Variants in TSPOAP1 observed in about 807,000 individuals in gnomAD.
The protein encoded by TSPOAP1 is TSPO associated protein 1.
Under a neutral mutation model 197.0 loss-of-function variants are expected in TSPOAP1, and 87 were observed. That is an observed-to-expected ratio of 0.44 (90% confidence interval 0.37 to 0.53). The LOEUF (loss-of-function observed/expected upper bound fraction) is 0.53. TSPOAP1 is among the 20% of genes least tolerant of loss of function. The pLI is 0.00. For synonymous variants in TSPOAP1, 913 were observed against 998.9 expected, an observed-to-expected ratio of 0.91 and a Z score of 1.62; for missense variants, 2,174 against 2,411.3, an observed-to-expected ratio of 0.90 and a Z score of 2.06.
Position 58,306,898 on chromosome 17 carries a change from C to T in TSPOAP1, c.5054G>A (p.Cys1685Tyr), listed in dbSNP as rs1307493237. 3 of 1,613,476 alleles carry T rather than the reference C, an allele frequency of 1.9e-6. No individual in the cohort carries two copies. Among genetic ancestry groups the T allele is most frequent in the African/African-American group, 2.7e-5 (2 of 74,920 alleles). The stretch of plus-strand genomic sequence containing the variant: ...CACAGCCACCTCAGCCACCATGTTG[C>T]AGGGAATGTAGCCTGTCCGGCCCCC... ...EGGGRTGYIP[C>Y]NMVAEVAVDS... Residue 1685 changes from cysteine (C) to tyrosine (Y), a missense_variant, in exon 25 of 32, where the codon TGC becomes TAC. Cys to Tyr is a radical substitution (Grantham distance 194). Transcript: ENST00000343736.
intron 4 of TSPOAP1, 111 bp from the exon 5 acceptor site, chr17:58,325,113 CTG>C (rs1971537981): frequency 3.2e-6 from 3 of 932,128 alleles, no homozygotes; most frequent in Non-Finnish European, 4.7e-6. Flanking sequence ...ATGCGCGAGA[CTG>C]TGCACACCCT....
At position 58,312,208 on chromosome 17, in the gene TSPOAP1, C is replaced by A. The variant is rs374528705; in HGVS notation, c.2613G>T (p.Leu871=). Residue 871 remains leucine, a synonymous_variant, in exon 17 of 32, where the codon CTG becomes CTT. Transcript: ENST00000343736. ...GGGCACCCACCGCCAAGCAACAGCG[C>A]AGTGGGTCAGAGCTGCCCCGGCTAG... ...ALTSRGSSDP[L]RCCLAVGARA... The A allele has an allele frequency of 6.2e-7, 1 of 1,612,794 alleles. No homozygotes were observed. Among genetic ancestry groups the A allele is most frequent in the African/African-American group, 1.3e-5 (1 of 74,946 alleles).
In TSPOAP1 at chr17:58,309,501, C is replaced by G. The variant is rs2144040525; in HGVS notation, c.3892-121G>C. On this transcript the variant is annotated intron_variant, in intron 21 of 31. Transcript: ENST00000343736. This position sits in a 1 kb window ranked among gnomAD's most constrained non-coding sequence, Gnocchi z 5.0. ...GCAGGGGTTACGGACAACCCCACAG[C>G]CCTCCCACGGCTTCCTCCGAGAGGA... 1 of 1,328,116 alleles carries G rather than the reference C, an allele frequency of 7.5e-7. No individual in the cohort carries two copies. The highest frequency in any genetic ancestry group is 1.5e-5 in the South Asian group (1 of 65,440). 82.3% of individuals were successfully genotyped at this position (1,328,116 alleles called of 1,614,324 possible). A position where few individuals can be genotyped will look rare whatever the true frequency, so the allele number is the denominator to read the frequency against.
chr17:58,318,242 G>T (rs764361693), intron 14 of TSPOAP1, 38 bp downstream of exon 14: 1 of 1,609,488 alleles, frequency 6.2e-7, no homozygotes, highest in Non-Finnish European at 8.5e-7. Context: ...CCTTCCCCAA[G>T]CCAAAGCCAG....
intron 24 of TSPOAP1, among the ~76,000 whole-genome samples, chr17:58,307,178 T>C (rs1364797456): frequency 6.6e-6 from 1 of 152,204 alleles, no homozygotes; most frequent in African/African-American, 2.4e-5. Flanking sequence ...ACTGTCTACA[T>C]GGCCATGCCC....
Position 58,327,548 on chromosome 17 carries a change from C to A in TSPOAP1, c.333+40G>T, listed in dbSNP as rs572134355. The A allele has an allele frequency of 1.1e-5, 18 of 1,577,130 alleles. No individual in the cohort carries two copies. The African/African-American group carries it at 2.0e-4, about 18-fold the overall frequency. ...CCAGGCTGGAGGACATGGTGAGAGA[C>A]CCCCACCTTGCAGACCCCAGCCCTC... On this transcript the variant is annotated intron_variant, in intron 1 of 31. Transcript: ENST00000343736.
Position 58,324,077 on chromosome 17 carries a change from G to A in TSPOAP1, c.943-532C>T, listed in dbSNP as rs1012974255. ...CTTCCGATTATCCGTGCAAACTTTG[G>A]GGGAGGACAGGTCTTGATGGGAGGG... On this transcript the variant is annotated intron_variant, in intron 5 of 31. Transcript: ENST00000343736. This position sits in a 1 kb window ranked among gnomAD's most constrained non-coding sequence, Gnocchi z 5.8. Among the ~76,000 whole-genome samples, 2 of 152,170 alleles carry A rather than the reference G, an allele frequency of 1.3e-5. No homozygotes were observed. Among genetic ancestry groups the A allele is most frequent in the East Asian group, 1.9e-4 (1 of 5,184 alleles).
In TSPOAP1 at chr17:58,310,916, G is replaced by T; in HGVS notation, c.3379C>A (p.Pro1127Thr). The change falls in exon 19 of 32, where the codon CCT becomes ACT. Residue 1127 changes from proline to threonine, a missense_variant. Pro to Thr is a conservative substitution (Grantham distance 38). Around this residue, in one of 5 missense-constraint regions of TSPOAP1, gnomAD observed 1,933 missense variants for 2,139.0 expected, o/e 0.90. Transcript: ENST00000343736. The part of the protein sequence containing the change: ...QHPAPLGTQE[P>T]PGAPPASPSR... ...GGGCTTGCAGGGGGTGCTCCTGGAG[G>T]CTCTTGAGTTCCAAGGGGAGCAGGG... The T allele has an allele frequency of 6.4e-7, 1 of 1,551,720 alleles. No homozygotes were observed. The highest frequency in any genetic ancestry group is 8.7e-7 in the Non-Finnish European group (1 of 1,154,492).
intron 29 of TSPOAP1, 39 bp downstream of exon 29, chr17:58,305,348 G>A (rs202239867): frequency 6.2e-4 from 992 of 1,608,370 alleles, no homozygotes; most frequent in Middle Eastern, 1.2e-3. Flanking sequence ...AAGTCTGGGG[G>A]GCTGGGATAT....
At position 58,304,852 on chromosome 17, in the gene TSPOAP1, A is replaced by G. The variant is rs1305966558; in HGVS notation, c.5544+209T>C. 14 of 673,588 alleles carry G rather than the reference A, an allele frequency of 2.1e-5. No individual in the cohort carries two copies. The highest frequency in any genetic ancestry group is 3.5e-5 in the Non-Finnish European group (13 of 366,232). 41.7% of individuals were successfully genotyped at this position (673,588 alleles called of 1,614,324 possible). A position where few individuals can be genotyped will look rare whatever the true frequency, so the allele number is the denominator to read the frequency against. On this transcript the variant is annotated intron_variant, in intron 30 of 31. Transcript: ENST00000343736. This position sits in a 1 kb window ranked among gnomAD's most constrained non-coding sequence, Gnocchi z 4.2. ...TGGCCTGAGGGTCAGGGTCACAGCTATCATCCCTCTGCAGAGAGGGGCACA... is the reference window on the plus strand; with the variant it reads ...TGGCCTGAGGGTCAGGGTCACAGCTGTCATCCCTCTGCAGAGAGGGGCACA...
chr17:58,311,084 G>T lies in TSPOAP1; in HGVS notation c.3211C>A (p.Pro1071Thr), dbSNP rs750850462. ...SPHGESADSI[P>T]APITPALAPA... ...GCCAGGGCGGGAGTGATAGGAGCCGGGATGGAGTCCGCCGACTCCCCGTGG... is the reference window on the plus strand; with the variant it reads ...GCCAGGGCGGGAGTGATAGGAGCCGTGATGGAGTCCGCCGACTCCCCGTGG... Residue 1071 changes from proline to threonine, a missense_variant, in exon 19 of 32, where the codon CCG (proline) becomes ACG (threonine). Pro to Thr is a conservative substitution (Grantham distance 38). Around this residue, in one of 5 missense-constraint regions of TSPOAP1, gnomAD observed 1,933 missense variants for 2,139.0 expected, o/e 0.90. Coordinates refer to ENST00000343736, the MANE Select transcript of TSPOAP1 (RefSeq NM_004758.4). The T allele has an allele frequency of 1.3e-6, 2 of 1,583,016 alleles. No individual in the cohort carries two copies. The highest frequency in any genetic ancestry group is 1.8e-5 in the Admixed American group (1 of 54,672).
At chr17:58,306,693 T>C in intron 25 of TSPOAP1, 107 bp downstream of exon 25, 2 of 1,375,754 alleles carry the variant, frequency 1.5e-6, no homozygotes, top group Non-Finnish European at 2.0e-6. Context: ...AAGGCTCTGC[T>C]AGAGTCTGGG....
rs1171991510 is a variant in TSPOAP1 at position 58,318,274 on chromosome 17, A to C, written c.1872+6T>G. 1 of 1,613,674 alleles carries C rather than the reference A, an allele frequency of 6.2e-7. No individual in the cohort carries two copies. The highest frequency in any genetic ancestry group is 2.2e-5 in the East Asian group (1 of 44,880). ...CCAGAACTTCAGGCCCCACCCCAGC[A>C]ATTACCTCAGGTGTAGGGCATGACT... On this transcript the variant is annotated splice_donor_region_variant and intron_variant, in intron 14 of 31. Transcript: ENST00000343736.
chr17:58,311,046 C>A lies in TSPOAP1; in HGVS notation c.3249G>T (p.Leu1083=). 1 of 1,583,064 alleles carries A rather than the reference C, an allele frequency of 6.3e-7. No homozygotes were observed. The highest frequency in any genetic ancestry group is 8.6e-7 in the Non-Finnish European group (1 of 1,164,756). ...PITPALAPAS[L]PARVSCPSPH... Reference sequence around the variant, plus strand: ...GTGAGGGGCAGGAGACTCGGGCTGGCAGGCTGGCCGGAGCCAGGGCGGGAG... The same window carrying A: ...GTGAGGGGCAGGAGACTCGGGCTGGAAGGCTGGCCGGAGCCAGGGCGGGAG... The change falls in exon 19 of 32, where the codon CTG becomes CTT. Residue 1083 remains leucine, a synonymous_variant. Coordinates refer to ENST00000343736, the MANE Select transcript of TSPOAP1 (RefSeq NM_004758.4).
In TSPOAP1 at chr17:58,325,519, A is replaced by G; in HGVS notation, c.750+15T>C. 1 of 1,611,574 alleles carries G rather than the reference A, an allele frequency of 6.2e-7. No homozygotes were observed. The highest frequency in any genetic ancestry group is 8.5e-7 in the Non-Finnish European group (1 of 1,179,950). On this transcript the variant is annotated intron_variant, in intron 4 of 31. Coordinates refer to ENST00000343736, the MANE Select transcript of TSPOAP1 (RefSeq NM_004758.4). ...CAGGGCTGAGCTGGAAGAGGTGACC[A>G]GGGCCTCCTCGCACCTTGCCCACCA... is the stretch of plus-strand genomic sequence containing the variant.
chr17:58,319,439 C>G lies in TSPOAP1; in HGVS notation c.1495-145G>C, dbSNP rs922848503. ...CTGGGCACCAGCCTTGCCTTGGCCACCCCACTGTCCTTAATGCATCAGAGC... is the reference window on the plus strand; with the variant it reads ...CTGGGCACCAGCCTTGCCTTGGCCAGCCCACTGTCCTTAATGCATCAGAGC... On this transcript the variant is annotated intron_variant, in intron 12 of 31. Transcript: ENST00000343736. The G allele has an allele frequency of 2.3e-5, 19 of 839,882 alleles. 1 individual carries two copies. Among genetic ancestry groups the G allele is most frequent in the Middle Eastern group, 7.2e-4 (2 of 2,790 alleles). The allele number at this position is 839,882 out of a possible 1,614,324, so 52.0% of individuals were successfully genotyped here. A position where few individuals can be genotyped will look rare whatever the true frequency, so the allele number is the denominator to read the frequency against.
At chr17:58,323,150 C>T in intron 7 of TSPOAP1, 111 bp from the exon 8 acceptor site, 2 of 1,463,880 alleles carry the variant, frequency 1.4e-6, no homozygotes, top group East Asian at 2.3e-5. Flanking sequence ...CCTGCTGGAA[C>T]CTGCACCAGC....
chr17:58,322,069 AC>A lies in TSPOAP1; in HGVS notation c.1422+238del. The A allele has an allele frequency of 1.9e-6, 1 of 527,410 alleles. No homozygotes were observed. Among genetic ancestry groups the A allele is most frequent in the Non-Finnish European group, 3.4e-6 (1 of 298,046 alleles). 32.7% of individuals were successfully genotyped at this position (527,410 alleles called of 1,614,324 possible). A position where few individuals can be genotyped will look rare whatever the true frequency, so the allele number is the denominator to read the frequency against. On this transcript the variant is annotated intron_variant, in intron 10 of 31. Transcript: ENST00000343736. The surrounding 1 kb of genome is among the most constrained non-coding windows in gnomAD (Gnocchi z 5.0). Reference sequence around the variant, plus strand: ...CTGATGACCTCTAAAGTGGCTCCTCACCCCATCCCAGTCACTTTGTCACATC... The same window carrying A: ...CTGATGACCTCTAAAGTGGCTCCTCACCCATCCCAGTCACTTTGTCACATC...
chr17:58,311,390 T>C (rs1042899463), intron 18 of TSPOAP1, 177 bp from the exon 19 acceptor site: 1 of 1,238,444 alleles, frequency 8.1e-7, no homozygotes, highest in Admixed American at 2.8e-5. Flanking sequence ...ATGGCTTCAG[T>C]GATGGAACAG....
Sources: gnomAD v4.1 joint callset for allele counts (sites outside exome capture counted in the v4.1 genomes callset) on GRCh38, gnomAD v4.1.1 for gene constraint, gnomAD v4.1.1 regional missense constraint, Gnocchi (gnomAD v3.1) non-coding constraint, MANE v1.5 for transcripts, NCBI Gene and HGNC (gene_info 2026-07-23, HGNC 2026-07-21) for gene names.